Variants in ERBB4 observed in about 807,000 individuals in gnomAD.
ERBB4 encodes the protein erb-b2 receptor tyrosine kinase 4, also known as receptor tyrosine-protein kinase erbB-4.
ERBB4 carries 42 observed loss-of-function variants against 158.0 expected under a neutral mutation model. The ratio of observed to expected loss-of-function variants is 0.27; its 90% CI spans 0.21 to 0.34. The LOEUF (loss-of-function observed/expected upper bound fraction) is 0.34. ERBB4 is among the 10% of genes least tolerant of loss of function. The pLI is 1.00. For synonymous variants in ERBB4, 583 were observed against 558.7 expected (o/e 1.04, Z -0.61); for missense variants, 1,333 against 1,624.1 (o/e 0.82, Z 3.08).
chr2:211,832,604 G>C (rs2105974635), intron 3 of ERBB4, among the ~76,000 whole-genome samples: 1 of 150,494 alleles, frequency 6.6e-6, no homozygotes, highest in South Asian at 2.1e-4. Context: ...ATAAACGTGT[G>C]TGTGTATATA....
In ERBB4 at chr2:212,538,403, GC is replaced by G. The variant is rs773860567; in HGVS notation, c.82+45del. 6 of 1,549,734 alleles carry G rather than the reference GC, an allele frequency of 3.9e-6. No individual in the cohort carries two copies. In the African/African-American group the frequency reaches 6.8e-5, roughly 18 times the overall value. On this transcript the variant is annotated intron_variant, in intron 1 of 27. Transcript: ENST00000342788. ...CAGGGGAGCCACTCGAGGCAGCCCC[GC>G]CGGCGGCTGCAGGTTCGGCGACCGG...
At position 211,961,188 on chromosome 2, in the gene ERBB4, T is replaced by C. The variant is rs549671108; in HGVS notation, c.235-13572A>G. The stretch of plus-strand genomic sequence containing the variant: ...ATCACAATAATAGAGAAAAAAATGA[T>C]GGGAGACAGTTCTGCATTGTTCCTG... On this transcript the variant is annotated intron_variant, in intron 2 of 27. Coordinates refer to ENST00000342788, the MANE Select transcript of ERBB4 (RefSeq NM_005235.3). Among the ~76,000 whole-genome samples the C allele has an allele frequency of 2.0e-5, 3 of 151,922 alleles. No individual in the cohort carries two copies. In the East Asian group the frequency reaches 5.8e-4, roughly 29 times the overall value.
At chr2:212,340,444 T>C (rs1232563469) in intron 1 of ERBB4, among the ~76,000 whole-genome samples, 1 of 152,180 alleles carries the variant, frequency 6.6e-6, no homozygotes, top group Non-Finnish European at 1.5e-5. Flanking sequence ...CTCACCATAA[T>C]GTAGAATCAG....
chr2:211,715,095 A>G (rs1263117946), intron 7 of ERBB4, among the ~76,000 whole-genome samples: 1 of 152,232 alleles, frequency 6.6e-6, no homozygotes. Context: ...ACCAACGGGT[A>G]TAATTCTAGG....
At chr2:211,902,700 A>G (rs545965030) in intron 3 of ERBB4, among the ~76,000 whole-genome samples, 1 of 151,622 alleles carries the variant, frequency 6.6e-6, no homozygotes, top group Non-Finnish European at 1.5e-5. Context: ...TTTTCCTTCT[A>G]TGTATATTTT....
chr2:212,107,751 C>G (rs1431273093), intron 2 of ERBB4, among the ~76,000 whole-genome samples: 6 of 152,100 alleles, frequency 3.9e-5, no homozygotes. Context: ...GTAATTGAAT[C>G]TTGGGGGCAG....
intron 1 of ERBB4, among the ~76,000 whole-genome samples, chr2:212,349,851 A>G (rs2089177359): frequency 6.6e-6 from 1 of 152,140 alleles, no homozygotes; most frequent in African/African-American, 2.4e-5. Flanking sequence ...AGACTGGGAA[A>G]GCAATCCCAG....
At chr2:211,521,024 T>C (rs1314776236) in intron 20 of ERBB4, among the ~76,000 whole-genome samples, 1 of 152,098 alleles carries the variant, frequency 6.6e-6, no homozygotes, top group African/African-American at 2.4e-5. Context: ...TCCCCTGACA[T>C]ACAGAAATGT....
intron 1 of ERBB4, among the ~76,000 whole-genome samples, chr2:212,319,150 G>T (rs1431510830): frequency 6.6e-6 from 1 of 151,474 alleles, no homozygotes; most frequent in African/African-American, 2.4e-5. Flanking sequence ...CTCTTTTAGG[G>T]TCAAAAATGG....
chr2:211,549,031 T>A (rs572311034), intron 20 of ERBB4, among the ~76,000 whole-genome samples: 1 of 152,216 alleles, frequency 6.6e-6, no homozygotes, highest in East Asian at 1.9e-4. Context: ...CTCTGCGTCA[T>A]TTTTTAATTG....
chr2:211,620,690 C>T (rs1458509236), intron 18 of ERBB4, among the ~76,000 whole-genome samples: 1 of 152,060 alleles, frequency 6.6e-6, no homozygotes, highest in Non-Finnish European at 1.5e-5. Context: ...TACTCAAAGG[C>T]TTCATTTTCT....
At chr2:212,110,897 G>A (rs1257236220) in intron 2 of ERBB4, among the ~76,000 whole-genome samples, 1 of 152,196 alleles carries the variant, frequency 6.6e-6, no homozygotes, top group East Asian at 1.9e-4. Context: ...TGGTCATCTA[G>A]TCTTTGCAAA....
At chr2:211,583,337 G>T (rs1196305531) in intron 19 of ERBB4, among the ~76,000 whole-genome samples, 1 of 151,558 alleles carries the variant, frequency 6.6e-6, no homozygotes, top group Non-Finnish European at 1.5e-5. Flanking sequence ...ATTGTTATTT[G>T]GTATTTTGAA....
At chr2:211,895,432 G>A (rs2079072457) in intron 3 of ERBB4, among the ~76,000 whole-genome samples, 1 of 152,000 alleles carries the variant, frequency 6.6e-6, no homozygotes. Flanking sequence ...TAATTTTTAA[G>A]TTTTTGAAGA....
intron 1 of ERBB4, among the ~76,000 whole-genome samples, chr2:212,522,886 C>G (rs1692251732): frequency 2.0e-5 from 3 of 151,898 alleles, no homozygotes; most frequent in Admixed American, 2.0e-4. Context: ...ATAAAAGTAC[C>G]AGCAACGGGC....
intron 12 of ERBB4, among the ~76,000 whole-genome samples, chr2:211,690,072 A>G (rs372023638): frequency 8.1e-5 from 12 of 148,406 alleles, no homozygotes; most frequent in South Asian, 6.3e-4. Context: ...AATATATATT[A>G]TGTATAATAT....
chr2:211,680,745 A>AT (rs897500477), intron 12 of ERBB4, among the ~76,000 whole-genome samples: 61 of 152,248 alleles, frequency 4.0e-4, no homozygotes, highest in African/African-American at 1.4e-3. Context: ...CTGTGTAAAA[A>AT]TTTTTTAAAG....
intron 3 of ERBB4, among the ~76,000 whole-genome samples, chr2:211,792,688 T>C (rs531128871): frequency 2.0e-5 from 3 of 151,906 alleles, no homozygotes; most frequent in Admixed American, 6.6e-5. Context: ...ACATTGTCCT[T>C]ACATTTTTCA....
At chr2:211,446,950 T>TA (rs2064126402) in intron 20 of ERBB4, among the ~76,000 whole-genome samples, 1 of 152,146 alleles carries the variant, frequency 6.6e-6, no homozygotes, top group South Asian at 2.1e-4. Context: ...CACATCACAA[T>TA]ATATTAACAT....
Sources: allele counts gnomAD v4.1 joint callset (sites outside exome capture counted in the v4.1 genomes callset), GRCh38; gene constraint gnomAD v4.1.1; transcripts MANE v1.5; gene names NCBI Gene and HGNC (gene_info 2026-07-23, HGNC 2026-07-21).